CDK19: variants seen among roughly 807,000 people sequenced by gnomAD.
CDK19 encodes the protein cyclin dependent kinase 19, also known as cyclin-dependent kinase 19.
A neutral mutation model predicts 68.3 loss-of-function variants in CDK19; 20 were observed. The ratio of observed to expected loss-of-function variants is 0.29; its 90% CI spans 0.21 to 0.43. The LOEUF is 0.43. CDK19 is among the 20% of genes least tolerant of loss of function. The pLI is 1.00. For synonymous variants in CDK19, 221 were observed against 222.8 expected (o/e 0.99, Z 0.07); for missense variants, 339 against 623.5 (o/e 0.54, Z 4.86).
chr6:110,764,812 G>A (rs1380452107), intron 1 of CDK19, among the ~76,000 whole-genome samples: 7 of 151,904 alleles, frequency 4.6e-5, no homozygotes, highest in Admixed American at 2.6e-4. Context: ...TTTGCTGGGC[G>A]TGATGGCAGG....
At chr6:110,641,813 G>A (rs1398095725) in intron 4 of CDK19, among the ~76,000 whole-genome samples, 2 of 152,152 alleles carry the variant, frequency 1.3e-5, no homozygotes, top group Non-Finnish European at 2.9e-5. Flanking sequence ...GACTTTAAGT[G>A]AGGATAACTA....
At chr6:110,716,844 T>C (rs1247090333) in intron 2 of CDK19, among the ~76,000 whole-genome samples, 1 of 152,086 alleles carries the variant, frequency 6.6e-6, no homozygotes, top group Middle Eastern at 3.2e-3. Flanking sequence ...TTTTAATAAA[T>C]AGAATGTGGC....
intron 1 of CDK19, among the ~76,000 whole-genome samples, chr6:110,779,219 A>G (rs1439402291): frequency 6.6e-6 from 1 of 152,048 alleles, no homozygotes; most frequent in African/African-American, 2.4e-5. Flanking sequence ...AGAACCAATT[A>G]TAGACTTCTA....
chr6:110,648,772 C>A (rs550589679), intron 4 of CDK19, among the ~76,000 whole-genome samples: 6 of 152,044 alleles, frequency 3.9e-5, no homozygotes, highest in Non-Finnish European at 8.8e-5. Flanking sequence ...GGCTGGAGTG[C>A]AGTGGCGCGA....
chr6:110,772,873 A>G (rs1488934318), intron 1 of CDK19, among the ~76,000 whole-genome samples: 1 of 149,842 alleles, frequency 6.7e-6, no homozygotes, highest in Non-Finnish European at 1.5e-5. Context: ...AGGCTGGGAA[A>G]TAGTGAGTCC....
At chr6:110,642,564 GA>G (rs1159394028) in intron 4 of CDK19, among the ~76,000 whole-genome samples, 1 of 152,144 alleles carries the variant, frequency 6.6e-6, no homozygotes, top group Non-Finnish European at 1.5e-5. Flanking sequence ...CCATGGAAAA[GA>G]AAACAAAAAG....
chr6:110,724,375 A>G (rs1403940224), intron 2 of CDK19, among the ~76,000 whole-genome samples: 2 of 152,094 alleles, frequency 1.3e-5, no homozygotes, highest in Non-Finnish European at 2.9e-5. Context: ...AATACCAACA[A>G]AACAAGTACA....
chr6:110,772,938 G>A (rs1780134232), intron 1 of CDK19, among the ~76,000 whole-genome samples: 2 of 150,824 alleles, frequency 1.3e-5, no homozygotes, highest in African/African-American at 4.9e-5. Context: ...CTCCATAGCA[G>A]GGCGTGGTGG....
chr6:110,797,361 C>T (rs1272687338), intron 1 of CDK19, among the ~76,000 whole-genome samples: 1 of 151,894 alleles, frequency 6.6e-6, no homozygotes, highest in Non-Finnish European at 1.5e-5. Context: ...AAAAAAAAGG[C>T]TTTTTCTGTA....
intron 4 of CDK19, among the ~76,000 whole-genome samples, chr6:110,638,988 G>A (rs562924696): frequency 1.5e-3 from 223 of 152,126 alleles, no homozygotes; most frequent in Non-Finnish European, 2.6e-3. Context: ...GATTCATCCC[G>A]CAGAAAAAAC....
chr6:110,729,493 A>G (rs1341323023), intron 2 of CDK19, among the ~76,000 whole-genome samples: 2 of 152,178 alleles, frequency 1.3e-5, no homozygotes, highest in Non-Finnish European at 2.9e-5. Flanking sequence ...CAGTGGCACA[A>G]TCTCAGTTCA....
intron 1 of CDK19, among the ~76,000 whole-genome samples, chr6:110,789,279 T>C (rs1014498301): frequency 2.0e-5 from 3 of 151,874 alleles, no homozygotes; most frequent in Non-Finnish European, 4.4e-5. Context: ...TTTTGATAAA[T>C]TTTAACTTTT....
At chr6:110,672,467 C>A (rs896293544) in intron 2 of CDK19, among the ~76,000 whole-genome samples, 2 of 152,104 alleles carry the variant, frequency 1.3e-5, no homozygotes, top group Admixed American at 1.3e-4. Flanking sequence ...CATTTTAAGT[C>A]CTGTGTTAAA....
At chr6:110,735,024 C>G (rs1777135524) in intron 2 of CDK19, among the ~76,000 whole-genome samples, 1 of 152,010 alleles carries the variant, frequency 6.6e-6, no homozygotes. Flanking sequence ...ACCCCTTATT[C>G]ATTAAATCAC....
intron 4 of CDK19, among the ~76,000 whole-genome samples, chr6:110,662,041 C>T (rs1781650287): frequency 1.3e-5 from 2 of 152,166 alleles, no homozygotes; most frequent in African/African-American, 4.8e-5. Context: ...ACGATCTCGG[C>T]TCACTGCAAT....
At chr6:110,627,579 T>G (rs545087224) in intron 6 of CDK19, among the ~76,000 whole-genome samples, 1 of 152,246 alleles carries the variant, frequency 6.6e-6, no homozygotes, top group South Asian at 2.1e-4. Flanking sequence ...GGTGTAACCA[T>G]GGCTCCCTGA....
intron 12 of CDK19, among the ~76,000 whole-genome samples, chr6:110,617,856 CAAAAAAAAAAAA>C (rs58620857): frequency 0.13 from 2,256 of 17,320 alleles, 84 homozygotes; most frequent in East Asian, 0.26. Flanking sequence ...GACTCTGTCT[CAAAAAAAAAAAA>C]AAAAAAAAAA....
intron 1 of CDK19, among the ~76,000 whole-genome samples, chr6:110,798,094 C>T (rs113617977): frequency 8.6e-5 from 13 of 152,034 alleles, no homozygotes; most frequent in African/African-American, 3.1e-4. Flanking sequence ...ATTATATGGC[C>T]TGACCATATG....
intron 2 of CDK19, among the ~76,000 whole-genome samples, chr6:110,674,869 T>C (rs921241340): frequency 1.4e-5 from 2 of 142,894 alleles, no homozygotes; most frequent in Non-Finnish European, 3.0e-5. Context: ...GCCAATGTAC[T>C]CCAGCCCGGG....
Sources: allele counts gnomAD v4.1 joint callset (sites outside exome capture counted in the v4.1 genomes callset), GRCh38; gene constraint gnomAD v4.1.1; transcripts MANE v1.5; gene names NCBI Gene and HGNC (gene_info 2026-07-23, HGNC 2026-07-21).